DRC11: variants seen among roughly 807,000 people sequenced by gnomAD.
The protein encoded by DRC11 is dynein regulatory complex subunit 11.
chr2:236,476,179 T>C, the DRC11 span, among the ~76,000 whole-genome samples: 3 of 152,152 alleles, frequency 2.0e-5, no homozygotes, highest in East Asian at 5.8e-4. The surrounding 1 kb of genome is among the most constrained non-coding windows in gnomAD (Gnocchi z 4.7). Flanking sequence ...TTTAACAGTA[T>C]TAATTCTTCC....
the DRC11 span, among the ~76,000 whole-genome samples, chr2:236,402,828 G>A: frequency 2.6e-5 from 4 of 152,202 alleles, no homozygotes; most frequent in Non-Finnish European, 5.9e-5. The surrounding 1 kb of genome is among the most constrained non-coding windows in gnomAD (Gnocchi z 6.0). Flanking sequence ...AAAAAGACTA[G>A]TAGTGGATAA....
At chr2:236,379,906 A>T in the DRC11 span, among the ~76,000 whole-genome samples, 1 of 151,482 alleles carries the variant, frequency 6.6e-6, no homozygotes, top group African/African-American at 2.4e-5. Context: ...AGGGGAGGGA[A>T]CCCCCAACAG....
the DRC11 span, among the ~76,000 whole-genome samples, chr2:236,461,444 C>T: frequency 1.5e-4 from 23 of 152,228 alleles, no homozygotes; most frequent in Non-Finnish European, 2.8e-4. The surrounding 1 kb of genome is among the most constrained non-coding windows in gnomAD (Gnocchi z 4.0). Context: ...TGCACAAAAT[C>T]ATCCCAAGTA....
At chr2:236,464,666 C>T in the DRC11 span, among the ~76,000 whole-genome samples, 2 of 152,122 alleles carry the variant, frequency 1.3e-5, no homozygotes, top group Non-Finnish European at 2.9e-5. Context: ...TTGGATGCCC[C>T]CTCCAAATCT....
At chr2:236,420,073 C>A in the DRC11 span, among the ~76,000 whole-genome samples, 157 of 152,312 alleles carry the variant, frequency 1.0e-3, no homozygotes, top group African/African-American at 3.5e-3. This position sits in a 1 kb window ranked among gnomAD's most constrained non-coding sequence, Gnocchi z 4.8. Flanking sequence ...TAAAAGGGAG[C>A]CAGCATCTCC....
the DRC11 span, among the ~76,000 whole-genome samples, chr2:236,452,682 G>A: frequency 3.3e-5 from 5 of 152,258 alleles, no homozygotes; most frequent in South Asian, 2.1e-4. The surrounding 1 kb of genome is among the most constrained non-coding windows in gnomAD (Gnocchi z 4.7). Flanking sequence ...ACCTCTTAGC[G>A]GCACCTTACA....
chr2:236,505,493 T>C, the DRC11 span, among the ~76,000 whole-genome samples: 1 of 152,112 alleles, frequency 6.6e-6, no homozygotes, highest in Non-Finnish European at 1.5e-5. Context: ...CAGAGCCCTC[T>C]GTCTCTGGCT....
chr2:236,485,035 A>T, the DRC11 span, among the ~76,000 whole-genome samples: 1 of 152,140 alleles, frequency 6.6e-6, no homozygotes, highest in Non-Finnish European at 1.5e-5. Context: ...GACTTTGAAA[A>T]TCTTTTCAGC....
the DRC11 span, among the ~76,000 whole-genome samples, chr2:236,439,595 A>G: frequency 6.6e-6 from 1 of 152,144 alleles, no homozygotes; most frequent in Non-Finnish European, 1.5e-5. Flanking sequence ...TAATTTGTCA[A>G]TATAATTTCT....
At chr2:236,359,367 G>T in the DRC11 span, among the ~76,000 whole-genome samples, 5 of 152,010 alleles carry the variant, frequency 3.3e-5, no homozygotes, top group African/African-American at 1.2e-4. The surrounding 1 kb of genome is among the most constrained non-coding windows in gnomAD (Gnocchi z 4.3). Context: ...TCACAAAATG[G>T]ATTTGAATTT....
At chr2:236,325,871 G>C in the DRC11 span, among the ~76,000 whole-genome samples, 1 of 152,228 alleles carries the variant, frequency 6.6e-6, no homozygotes, top group African/African-American at 2.4e-5. This position sits in a 1 kb window ranked among gnomAD's most constrained non-coding sequence, Gnocchi z 4.4. Flanking sequence ...CCCAAGGGTA[G>C]GGATTACAGG....
the DRC11 span, chr2:236,331,543 T>G: frequency 1.2e-6 from 2 of 1,613,880 alleles, no homozygotes; most frequent in Non-Finnish European, 1.7e-6. This position sits in a 1 kb window ranked among gnomAD's most constrained non-coding sequence, Gnocchi z 4.8. Context: ...GCAGCTGACA[T>G]TCAAGGCACT....
chr2:236,498,418 T>C, the DRC11 span, among the ~76,000 whole-genome samples: 1 of 149,586 alleles, frequency 6.7e-6, no homozygotes, highest in African/African-American at 2.5e-5. Flanking sequence ...TGACCCGAAA[T>C]CATGCCGCTG....
At chr2:236,495,563 G>C in the DRC11 span, among the ~76,000 whole-genome samples, 1 of 152,076 alleles carries the variant, frequency 6.6e-6, no homozygotes, top group Non-Finnish European at 1.5e-5. The surrounding 1 kb of genome is among the most constrained non-coding windows in gnomAD (Gnocchi z 5.6). Flanking sequence ...CTATGAGGTG[G>C]GCCCATTAGG....
At chr2:236,343,223 G>A in the DRC11 span, among the ~76,000 whole-genome samples, 32,312 of 151,928 alleles carry the variant, frequency 0.21, 3,747 homozygotes, top group African/African-American at 0.28. This position sits in a 1 kb window ranked among gnomAD's most constrained non-coding sequence, Gnocchi z 6.6. Context: ...CTTTCTCTCA[G>A]AGGCCCCCTC....
At chr2:236,468,786 A>G in the DRC11 span, among the ~76,000 whole-genome samples, 1 of 152,236 alleles carries the variant, frequency 6.6e-6, no homozygotes, top group Non-Finnish European at 1.5e-5. Flanking sequence ...AAATGACTCA[A>G]ATTTCTTTTT....
chr2:236,362,932 G>A, the DRC11 span, among the ~76,000 whole-genome samples: 16 of 152,244 alleles, frequency 1.1e-4, no homozygotes, highest in Admixed American at 9.8e-4. The surrounding 1 kb of genome is among the most constrained non-coding windows in gnomAD (Gnocchi z 5.7). Context: ...GTGTATTAGC[G>A]TGACACTAAG....
chr2:236,452,890 C>T, the DRC11 span, among the ~76,000 whole-genome samples: 1 of 152,180 alleles, frequency 6.6e-6, no homozygotes, highest in Non-Finnish European at 1.5e-5. This position sits in a 1 kb window ranked among gnomAD's most constrained non-coding sequence, Gnocchi z 4.7. Context: ...ACTCAGCACA[C>T]AATTGGCTAT....
At chr2:236,319,665 A>AT in the DRC11 span, among the ~76,000 whole-genome samples, 1 of 152,092 alleles carries the variant, frequency 6.6e-6, no homozygotes, top group Non-Finnish European at 1.5e-5. The surrounding 1 kb of genome is among the most constrained non-coding windows in gnomAD (Gnocchi z 6.7). Flanking sequence ...CACTTACTGA[A>AT]TATCTATAAA....
Sources: allele counts gnomAD v4.1 joint callset (sites outside exome capture counted in the v4.1 genomes callset), GRCh38; gene constraint gnomAD v4.1.1; non-coding constraint Gnocchi (gnomAD v3.1); transcripts MANE v1.5; gene names NCBI Gene and HGNC (gene_info 2026-07-23, HGNC 2026-07-21).